Variants in TASOR2 observed in about 807,000 individuals in gnomAD.
TASOR2 encodes the protein transcription activation suppressor family member 2.
TASOR2 carries 84 observed loss-of-function variants against 199.5 expected under a neutral mutation model. The observed-to-expected ratio is 0.42, with a 90% CI of 0.35 to 0.50. The LOEUF is 0.50. Among genes scored for constraint, TASOR2 ranks in the 20% least tolerant of loss-of-function variants. TASOR2 has a pLI of 0.02. For missense variants in TASOR2, 2,796 were observed against 2,835.9 expected, an observed-to-expected ratio of 0.99 and a Z score of 0.32; for synonymous variants, 1,103 against 1,046.6, an observed-to-expected ratio of 1.05 and a Z score of -1.04.
At position 5,689,982 on chromosome 10, in the gene TASOR2, C is replaced by A. The variant is rs1318317438; in HGVS notation, c.-288+4807C>A. On this transcript the variant is annotated intron_variant, in intron 1 of 20. Transcript: ENST00000328090. This position sits in a 1 kb window ranked among gnomAD's most constrained non-coding sequence, Gnocchi z 4.1. ...TATTGGTTTATTTAAATGTTTCTTC[C>A]ATTTAGACCAATGTTGGTAAATTAT... is the stretch of plus-strand genomic sequence containing the variant. 6.6e-6 allele frequency among the ~76,000 whole-genome samples: 1 copy of A among 152,010 alleles called. No homozygotes were observed. The highest frequency in any genetic ancestry group is 2.4e-5 in the African/African-American group (1 of 41,380).
intron 1 of TASOR2, among the ~76,000 whole-genome samples, chr10:5,707,797 C>T (rs1831312032): frequency 6.7e-6 from 1 of 148,198 alleles, no homozygotes; most frequent in Non-Finnish European, 1.5e-5. Flanking sequence ...CATGGGATAA[C>T]CTGATACCTG....
intron 1 of TASOR2, among the ~76,000 whole-genome samples, chr10:5,702,195 G>A (rs965170027): frequency 3.3e-5 from 5 of 152,024 alleles, no homozygotes; most frequent in East Asian, 1.9e-4. Context: ...TATTAAATGC[G>A]TTTTCAGCAT....
In TASOR2 at chr10:5,701,890, C is replaced by G. The variant is rs1210217678; in HGVS notation, c.-287-10933C>G. ...GTCCAGGTTTTTCTAAGTATAAGAT[C>G]ACGTTATCTGTGAACAGGCTTATTT... On this transcript the variant is annotated intron_variant, in intron 1 of 20. Transcript: ENST00000328090. The surrounding 1 kb of genome is among the most constrained non-coding windows in gnomAD (Gnocchi z 4.9). 6.6e-6 allele frequency among the ~76,000 whole-genome samples: 1 copy of G among 150,938 alleles called. No homozygotes were observed. Among genetic ancestry groups the G allele is most frequent in the African/African-American group, 2.4e-5 (1 of 40,850 alleles).
rs201373037 is a variant in TASOR2 at position 5,702,662 on chromosome 10, G to T, written c.-287-10161G>T. 6.0e-3 allele frequency among the ~76,000 whole-genome samples: 373 copies of T among 62,662 alleles called. 41 individuals carry two copies. Among genetic ancestry groups the T allele is most frequent in the East Asian group, 0.039 (55 of 1,428 alleles). 41.1% of individuals were successfully genotyped at this position (62,662 alleles called of 152,430 possible). ...TTTTTTTTTTTTTTTTTTTTTTTTT[G>T]GTAAGTAAGGATAGATACGACAGCC... On this transcript the variant is annotated intron_variant, in intron 1 of 20. Coordinates refer to ENST00000328090, the Ensembl canonical transcript of TASOR2.
In TASOR2 at chr10:5,706,617, A is replaced by G. The variant is rs1022369389; in HGVS notation, c.-287-6206A>G. 6.6e-6 allele frequency among the ~76,000 whole-genome samples: 1 copy of G among 152,236 alleles called. No homozygotes were observed. The highest frequency in any genetic ancestry group is 2.4e-5 in the African/African-American group (1 of 41,452). On this transcript the variant is annotated intron_variant, in intron 1 of 20. Transcript: ENST00000328090. This position sits in a 1 kb window ranked among gnomAD's most constrained non-coding sequence, Gnocchi z 4.8. Reference sequence around the variant, plus strand: ...AATAATGATTGGTAACTGAAAATTAAGCTATTTTAAATTCAGAAAAGCAAA... The same window carrying G: ...AATAATGATTGGTAACTGAAAATTAGGCTATTTTAAATTCAGAAAAGCAAA...
At chr10:5,745,224 T>G (rs184613762) in intron 14 of TASOR2, among the ~76,000 whole-genome samples, 46 of 152,310 alleles carry the variant, frequency 3.0e-4, no homozygotes, top group African/African-American at 8.7e-4. Flanking sequence ...ATCAGTGCCT[T>G]TAGTTCAGTT....
At chr10:5,731,534 A>G (rs1041061361) in intron 11 of TASOR2, among the ~76,000 whole-genome samples, 2 of 152,192 alleles carry the variant, frequency 1.3e-5, no homozygotes, top group Non-Finnish European at 1.5e-5. Context: ...CTCAATAATA[A>G]TAATAGTTGT....
chr10:5,757,759 A>G (rs1839173513), intron 17 of TASOR2, 86 bp downstream of exon 18: 24 of 1,433,744 alleles, frequency 1.7e-5, no homozygotes, highest in Non-Finnish European at 2.3e-5. Flanking sequence ...TCCAAAAGAA[A>G]TGATCAACTC....
chr10:5,686,614 C>T (rs116007631), intron 1 of TASOR2, among the ~76,000 whole-genome samples: 86 of 152,268 alleles, frequency 5.6e-4, no homozygotes, highest in African/African-American at 2.0e-3. Flanking sequence ...AATGATTGTA[C>T]CTTTTTATGT....
At chr10:5,749,471 C>A (rs749803589) in exon 15 of TASOR2, 3 of 1,614,142 alleles carry the variant, frequency 1.9e-6, no homozygotes, top group Non-Finnish European at 2.5e-6. Flanking sequence ...TCCATTGGTG[C>A]TTTCCCTTCG....
Position 5,735,326 on chromosome 10 carries a change from G to T in TASOR2, c.1227G>T (p.Gln409His), listed in dbSNP as rs368259864. Residue 409 changes from glutamine (Q) to histidine (H), a missense_variant, in exon 12 of 21, where the codon CAG (glutamine) becomes CAT (histidine). This residue lies in a region of TASOR2 where 847 missense variants were observed against 887.4 expected (regional missense o/e 0.95). Transcript: ENST00000328090. ...AAGGTGCGGAAGTGCTGACTGCACA[G>T]TTTGTACAGAAAACCAAATTGGATA... 17 of 1,613,936 alleles carry T rather than the reference G, an allele frequency of 1.1e-5. No individual in the cohort carries two copies. Among genetic ancestry groups the T allele is most frequent in the South Asian group, 6.6e-5 (6 of 91,082 alleles).
In TASOR2 at chr10:5,730,416, C is replaced by CT. The variant is rs368460943; in HGVS notation, c.488-63dup. 99 of 1,237,378 alleles carry CT rather than the reference C, an allele frequency of 8.0e-5. No individual in the cohort carries two copies. Among genetic ancestry groups the CT allele is most frequent in the East Asian group, 1.4e-4 (6 of 42,538 alleles). 76.6% of individuals were successfully genotyped at this position (1,237,378 alleles called of 1,614,324 possible). Reference sequence around the variant, plus strand: ...CATCACATAATTTTGAAATCTAAAGCTTTTTTTTCCAGAATGTTTTGTTTT... The same window carrying CT: ...CATCACATAATTTTGAAATCTAAAGCTTTTTTTTTCCAGAATGTTTTGTTTT... On this transcript the variant is annotated intron_variant, in intron 10 of 20. Coordinates refer to ENST00000328090, the Ensembl canonical transcript of TASOR2. This position sits in a 1 kb window ranked among gnomAD's most constrained non-coding sequence, Gnocchi z 4.1.
In TASOR2 at chr10:5,720,169, G is replaced by A. The variant is rs1833178948; in HGVS notation, c.-99-375G>A. 1.5e-6 allele frequency: 1 copy of A among 657,104 alleles called. No homozygotes were observed. The highest frequency in any genetic ancestry group is 1.9e-6 in the Non-Finnish European group (1 of 530,298). The allele number at this position is 657,104 out of a possible 1,614,324, so 40.7% of individuals were successfully genotyped here. On this transcript the variant is annotated intron_variant, in intron 3 of 20. Coordinates refer to ENST00000328090, the Ensembl canonical transcript of TASOR2. This position sits in a 1 kb window ranked among gnomAD's most constrained non-coding sequence, Gnocchi z 5.3. ...AGTTACTGTTAGGGGACACATATCTGCATCCTTGTTAGACTACTTCTAAAT... is the reference window on the plus strand; with the variant it reads ...AGTTACTGTTAGGGGACACATATCTACATCCTTGTTAGACTACTTCTAAAT...
chr10:5,716,404 TATG>T (rs1832642546), intron 2 of TASOR2, among the ~76,000 whole-genome samples: 1 of 152,172 alleles, frequency 6.6e-6, no homozygotes, highest in Non-Finnish European at 1.5e-5. Context: ...CACTGGGTCA[TATG>T]ATAACTATAA....
At chr10:5,746,416 C>A (rs762299603) in exon 15 of TASOR2, 1 of 1,614,148 alleles carries the variant, frequency 6.2e-7, no homozygotes, top group Non-Finnish European at 8.5e-7. Flanking sequence ...GTACGGCACC[C>A]TTGAAAACAA....
In TASOR2 at chr10:5,685,679, A is replaced by G. The variant is rs1835733580; in HGVS notation, c.-288+504A>G. ...CAGCAAGCGCAAGCCGCGTTGGGAT[A>G]ACTTGGTGCGAGCAACACAGAAGTT... On this transcript the variant is annotated intron_variant, in intron 1 of 20. Coordinates refer to ENST00000328090, the Ensembl canonical transcript of TASOR2. The surrounding 1 kb of genome is among the most constrained non-coding windows in gnomAD (Gnocchi z 5.4). Among the ~76,000 whole-genome samples, 2 of 152,184 alleles carry G rather than the reference A, an allele frequency of 1.3e-5. No individual in the cohort carries two copies. The highest frequency in any genetic ancestry group is 1.3e-4 in the Admixed American group (2 of 15,280).
chr10:5,696,177 G>C (rs540439871), intron 1 of TASOR2, among the ~76,000 whole-genome samples: 1 of 152,034 alleles, frequency 6.6e-6, no homozygotes, highest in Non-Finnish European at 1.5e-5. Flanking sequence ...TCAGGCTTAC[G>C]TGCCCCTCAA....
chr10:5,708,994 G>T (rs942511636), intron 1 of TASOR2, among the ~76,000 whole-genome samples: 3 of 152,136 alleles, frequency 2.0e-5, no homozygotes, highest in Admixed American at 1.3e-4. Context: ...GAGCCACCTC[G>T]CCCAGCCTAA....
chr10:5,717,701 C>T (rs1832829360), exon 3 of TASOR2: 3 of 1,225,510 alleles, frequency 2.4e-6, no homozygotes, highest in Non-Finnish European at 3.1e-6. Context: ...CATTCAAGAC[C>T]ATGGTATCAT....
Sources: gnomAD v4.1 joint callset for allele counts (sites outside exome capture counted in the v4.1 genomes callset) on GRCh38, gnomAD v4.1.1 for gene constraint, gnomAD v4.1.1 regional missense constraint, Gnocchi (gnomAD v3.1) non-coding constraint, MANE v1.5 for transcripts, NCBI Gene and HGNC (gene_info 2026-07-23, HGNC 2026-07-21) for gene names.